The following EVA1A variants were observed in gnomAD, a reference collection of about 807,000 sequenced individuals.
EVA1A encodes protein eva-1 homolog A.
EVA1A carries 7 observed loss-of-function variants against 9.8 expected under a neutral mutation model. That is an observed-to-expected ratio of 0.71 (90% confidence interval 0.41 to 1.34). The LOEUF (loss-of-function observed/expected upper bound fraction) is 1.34, where lower values mean the gene tolerates loss of function less well. Ranked by LOEUF, EVA1A falls within the 40% of genes most tolerant of loss-of-function variation. EVA1A has a pLI of 0.01. For missense variants in EVA1A, 206 were observed against 205.9 expected (o/e 1.00, Z 0.00); for synonymous variants, 90 against 85.6 (o/e 1.05, Z -0.28).
chr2:75,497,850 CAA>C (rs33933086), intron 3 of EVA1A, among the ~76,000 whole-genome samples: 4 of 66,854 alleles, frequency 6.0e-5, no homozygotes, highest in African/African-American at 2.0e-4. Context: ...GATCCTGTCT[CAA>C]AAAAAAAAAA....
intron 1 of EVA1A, among the ~76,000 whole-genome samples, chr2:75,553,827 C>A (rs1045642370): frequency 2.0e-5 from 3 of 152,086 alleles, no homozygotes; most frequent in African/African-American, 4.8e-5. Context: ...ATTAAAGGAC[C>A]GAGGTCTCAT....
chr2:75,493,587 CAGAG>C lies in EVA1A; in HGVS notation c.104_107del (p.Ala35GlyfsTer13), dbSNP rs747869489. ...CGATGCACACGCCAGAAACAAAGTA[CAGAG>C]CTGCTCGCTCAGGATTTTCTGGAGG... On this transcript the variant is annotated frameshift_variant, in exon 4 of 4. Transcript: ENST00000393913. LOFTEE classifies it high-confidence loss of function. The C allele has an allele frequency of 2.5e-6, 4 of 1,596,486 alleles. No homozygotes were observed. The African/African-American group carries it at 5.4e-5, about 21-fold the overall frequency.
intron 3 of EVA1A, among the ~76,000 whole-genome samples, chr2:75,500,306 C>T (rs139980972): frequency 1.3e-4 from 20 of 152,250 alleles, no homozygotes; most frequent in Non-Finnish European, 2.2e-4. Context: ...CTTTTGATGA[C>T]GGATCACTCT....
At chr2:75,517,899 T>C (rs1432801108) in intron 3 of EVA1A, 157 bp downstream of exon 3, 1 of 852,656 alleles carries the variant, frequency 1.2e-6, no homozygotes, top group South Asian at 1.4e-5. Flanking sequence ...ACTCCCAACC[T>C]GGAGACCTTT....
At chr2:75,558,955 G>C (rs1676820727) in intron 1 of EVA1A, among the ~76,000 whole-genome samples, 1 of 152,224 alleles carries the variant, frequency 6.6e-6, no homozygotes, top group African/African-American at 2.4e-5. Context: ...ATAGCCGCAT[G>C]ACCTGCTGTG....
intron 1 of EVA1A, among the ~76,000 whole-genome samples, chr2:75,525,060 A>G (rs1321273110): frequency 6.6e-6 from 1 of 152,094 alleles, no homozygotes; most frequent in African/African-American, 2.4e-5. Flanking sequence ...ATAAACACAC[A>G]TACATATATA....
At chr2:75,559,786 G>C (rs1488132210) in intron 1 of EVA1A, among the ~76,000 whole-genome samples, 4 of 151,818 alleles carry the variant, frequency 2.6e-5, no homozygotes, top group African/African-American at 9.7e-5. Flanking sequence ...GTGTATGTGT[G>C]GTATAGACCA....
intron 1 of EVA1A, among the ~76,000 whole-genome samples, chr2:75,568,839 T>C (rs1677074641): frequency 6.6e-6 from 1 of 152,326 alleles, no homozygotes; most frequent in South Asian, 2.1e-4. Context: ...ATACACCACA[T>C]TTTCTTTATC....
At chr2:75,531,000 ACCC>A (rs1675626988) in intron 1 of EVA1A, among the ~76,000 whole-genome samples, 1 of 152,124 alleles carries the variant, frequency 6.6e-6, no homozygotes, top group Non-Finnish European at 1.5e-5. Context: ...TACCTGGAAA[ACCC>A]TCAAGACTCA....
chr2:75,564,538 C>T (rs1380681208), upstream of EVA1A, among the ~76,000 whole-genome samples: 1 of 152,196 alleles, frequency 6.6e-6, no homozygotes, highest in Non-Finnish European at 1.5e-5. Flanking sequence ...GCCAACAGCA[C>T]ATCCAGTTCA....
At chr2:75,550,419 C>T (rs1348623245) in intron 1 of EVA1A, among the ~76,000 whole-genome samples, 1 of 152,196 alleles carries the variant, frequency 6.6e-6, no homozygotes, top group Non-Finnish European at 1.5e-5. Flanking sequence ...GGTCCTCTTC[C>T]TTCCTCCTGA....
At chr2:75,534,746 G>A (rs1383611518) in intron 1 of EVA1A, among the ~76,000 whole-genome samples, 2 of 152,030 alleles carry the variant, frequency 1.3e-5, no homozygotes, top group African/African-American at 4.8e-5. Context: ...TTCTGCAGAA[G>A]CCTTTTAGTT....
In EVA1A at chr2:75,499,330, G is replaced by A. The variant is rs142755955; in HGVS notation, c.86-5721C>T. On this transcript the variant is annotated intron_variant, in intron 3 of 3. Coordinates refer to ENST00000393913, the MANE Select transcript of EVA1A (RefSeq NM_001135032.2). ...AACATAATTGGAATTGAGCACAACC[G>A]AGTGAAATAATGGAAGTGGGCATGA... 8.1e-4 allele frequency among the ~76,000 whole-genome samples: 124 copies of A among 152,244 alleles called. 2 individuals are homozygous for A. Among genetic ancestry groups the A allele is most frequent in the East Asian group, 5.2e-3 (27 of 5,182 alleles).
chr2:75,493,493 C>G lies in EVA1A; in HGVS notation c.202G>C (p.Gly68Arg). 1 of 1,614,216 alleles carries G rather than the reference C, an allele frequency of 6.2e-7. No individual in the cohort carries two copies. Among genetic ancestry groups the G allele is most frequent in the Non-Finnish European group, 8.5e-7 (1 of 1,180,030 alleles). Residue 68 changes from glycine to arginine, a missense_variant, in exon 4 of 4, where the codon GGG becomes CGG. By Grantham distance (125) the Gly-to-Arg change is moderately radical. Transcript: ENST00000393913. ...TCTCTGTCCTGCAGGAACTTCTTCC[C>G]GGGACGCCGCCTGCAGTCTGTGTGG... ...SCHTDCRRRP[G>R]KKFLQDRESS...
chr2:75,525,264 A>T (rs7571188), intron 1 of EVA1A, among the ~76,000 whole-genome samples: 23,907 of 152,036 alleles, frequency 0.16, 2,025 homozygotes, highest in African/African-American at 0.19. Flanking sequence ...CTATAAACTT[A>T]CCTAATTTCC....
At chr2:75,540,831 C>A (rs552244803) in intron 1 of EVA1A, 5 of 152,310 alleles carry the variant, frequency 3.3e-5, no homozygotes, top group African/African-American at 9.6e-5. Flanking sequence ...ACAGAAGACA[C>A]CAACACCAGC....
intron 1 of EVA1A, among the ~76,000 whole-genome samples, chr2:75,553,142 C>T (rs752705154): frequency 6.6e-6 from 1 of 152,206 alleles, no homozygotes; most frequent in Non-Finnish European, 1.5e-5. Flanking sequence ...GGACTTCTCA[C>T]CGGCCCATCT....
intron 1 of EVA1A, among the ~76,000 whole-genome samples, chr2:75,536,284 G>A (rs942611386): frequency 6.6e-6 from 1 of 152,054 alleles, no homozygotes; most frequent in African/African-American, 2.4e-5. Flanking sequence ...GCAATGAGCT[G>A]AGAGCACGCC....
chr2:75,513,999 G>A (rs557633417), intron 3 of EVA1A, among the ~76,000 whole-genome samples: 1 of 152,192 alleles, frequency 6.6e-6, no homozygotes, highest in East Asian at 1.9e-4. Flanking sequence ...AATCCACTAA[G>A]GGATGCTAAA....
Sources: allele counts gnomAD v4.1 joint callset (sites outside exome capture counted in the v4.1 genomes callset), GRCh38; gene constraint gnomAD v4.1.1; transcripts MANE v1.5; gene names NCBI Gene and HGNC (gene_info 2026-07-23, HGNC 2026-07-21).